The following PRPF39 variants were observed in gnomAD, a reference collection of about 807,000 sequenced individuals.
PRPF39 encodes the protein pre-mRNA processing factor 39.
Under a neutral mutation model 82.1 loss-of-function variants are expected in PRPF39, and 27 were observed. The observed-to-expected ratio is 0.33, with a 90% CI of 0.24 to 0.45. The LOEUF is 0.45. Among genes scored for constraint, PRPF39 ranks in the 20% least tolerant of loss-of-function variants. PRPF39 has a pLI of 1.00. For missense variants in PRPF39, 581 were observed against 796.9 expected (o/e 0.73, Z 3.26); for synonymous variants, 261 against 256.4 (o/e 1.02, Z -0.17).
At chr14:45,097,350 A>G (rs993264644) in intron 4 of PRPF39, among the ~76,000 whole-genome samples, 1 of 152,016 alleles carries the variant, frequency 6.6e-6, no homozygotes, top group Admixed American at 6.6e-5. Context: ...ATATTTTTTA[A>G]CAATTACAAA....
chr14:45,101,043 C>G (rs1884358212), intron 4 of PRPF39, among the ~76,000 whole-genome samples: 1 of 152,148 alleles, frequency 6.6e-6, no homozygotes, highest in Non-Finnish European at 1.5e-5. Flanking sequence ...ACATTGATCT[C>G]TTTTTTGTTT....
intron 1 of PRPF39, among the ~76,000 whole-genome samples, chr14:45,087,569 T>C (rs1883872969): frequency 6.7e-6 from 1 of 149,830 alleles, no homozygotes. Context: ...ACTGTTTTTT[T>C]TTTGTTTTGT....
At chr14:45,102,305 TA>T (rs1294720995) in intron 4 of PRPF39, among the ~76,000 whole-genome samples, 1 of 152,248 alleles carries the variant, frequency 6.6e-6, no homozygotes, top group African/African-American at 2.4e-5. Context: ...TTCTATTTGA[TA>T]AAGTTACATA....
At chr14:45,084,292 T>C (rs1459850656) in intron 1 of PRPF39, 43 bp downstream of exon 1, 1 of 152,544 alleles carries the variant, frequency 6.6e-6, no homozygotes, top group East Asian at 1.9e-4. Flanking sequence ...GGGCAGAGGG[T>C]GGTACTTGGT....
chr14:45,094,018 A>G (rs1884122757), intron 1 of PRPF39, among the ~76,000 whole-genome samples: 1 of 152,120 alleles, frequency 6.6e-6, no homozygotes, highest in Non-Finnish European at 1.5e-5. Flanking sequence ...CTTTATTAGT[A>G]AAGATATAGG....
rs376486747 is a variant in PRPF39, at chr14:45,095,455, A to G, written c.216A>G (p.Glu72=). ...SAVDLPVTLT[E]TEANFPPEYE... ...TGGACCTTCCAGTGACGCTGACAGA[A>G]ACAGAAGCAAATTTCCCTCCAGAAT... The change falls in exon 2 of 14, where the codon GAA becomes GAG. Residue 72 remains glutamate, a synonymous_variant. Transcript: ENST00000355765. The G allele has an allele frequency of 2.5e-6, 4 of 1,614,012 alleles. No homozygotes were observed. Among genetic ancestry groups the G allele is most frequent in the Non-Finnish European group, 3.4e-6 (4 of 1,179,884 alleles).
rs1884409545 is a variant in PRPF39, at chr14:45,102,533, T to C, written c.574T>C (p.Phe192Leu). The change falls in exon 5 of 14, where the codon TTT (phenylalanine) becomes CTT (leucine). Residue 192 changes from phenylalanine to leucine, a missense_variant. By Grantham distance (22) the Phe-to-Leu change is conservative. Transcript: ENST00000355765. ...AAGAGTAATTTAATTTTTCAGAACT[T>C]TTGAGCATGCTGTTCTAGCTGCAGG... ...PETNNTIRGT[F>L]EHAVLAAGTD... is the part of the protein sequence containing the mutation. The C allele has an allele frequency of 6.3e-7, 1 of 1,587,882 alleles. No homozygotes were observed. Among genetic ancestry groups the C allele is most frequent in the Admixed American group, 1.9e-5 (1 of 52,460 alleles).
At chr14:45,113,860 A>G (rs1884763615) in intron 11 of PRPF39, among the ~76,000 whole-genome samples, 1 of 152,186 alleles carries the variant, frequency 6.6e-6, no homozygotes, top group South Asian at 2.1e-4. Flanking sequence ...TGAAAGCTAG[A>G]CTGAATTGAT....
At chr14:45,096,594 A>G in intron 3 of PRPF39, 1 of 1,451,438 alleles carries the variant, frequency 6.9e-7, no homozygotes. Context: ...ATTTTTGGTC[A>G]GACGCTGTCA....
rs1884648129 is a variant in PRPF39 at position 45,109,796 on chromosome 14, G to C, written c.1176+16G>C. 6 of 1,579,068 alleles carry C rather than the reference G, an allele frequency of 3.8e-6. No homozygotes were observed. Among genetic ancestry groups the C allele is most frequent in the Non-Finnish European group, 4.3e-6 (5 of 1,161,982 alleles). On this transcript the variant is annotated intron_variant, in intron 8 of 13. Coordinates refer to ENST00000355765, the MANE Select transcript of PRPF39 (RefSeq NM_017922.4). ...TTGGATTAAGGTAAGAAAATCATGT[G>C]CTCTTAAACTTGAATATATTATAAA...
chr14:45,092,968 T>G (rs1278293575), intron 1 of PRPF39, among the ~76,000 whole-genome samples: 1 of 151,996 alleles, frequency 6.6e-6, no homozygotes, highest in Non-Finnish European at 1.5e-5. Context: ...AACAAAAAAC[T>G]TCTCCCCCCA....
intron 11 of PRPF39, among the ~76,000 whole-genome samples, chr14:45,113,479 CCTA>C (rs1390834381): frequency 6.6e-6 from 1 of 152,128 alleles, no homozygotes; most frequent in Non-Finnish European, 1.5e-5. Context: ...GAGGACTGAA[CCTA>C]CTTCAGAGTT....
intron 1 of PRPF39, among the ~76,000 whole-genome samples, chr14:45,093,256 T>C (rs1884096410): frequency 1.3e-5 from 2 of 151,604 alleles, no homozygotes; most frequent in South Asian, 2.1e-4. Flanking sequence ...GGAATCTCAC[T>C]GTATTGCCCA....
chr14:45,108,546 G>A (rs2139062596), intron 7 of PRPF39, 24 bp downstream of exon 7: 1 of 1,568,934 alleles, frequency 6.4e-7, no homozygotes, highest in East Asian at 2.3e-5. Context: ...TTTTGTAATA[G>A]TCTTTAAAAT....
chr14:45,114,737 C>G (rs1884791057), intron 13 of PRPF39, 120 bp from the exon 14 acceptor site: 2 of 1,397,176 alleles, frequency 1.4e-6, no homozygotes, highest in African/African-American at 1.5e-5. Context: ...TGGTTAAGTA[C>G]TAGAATTTTA....
chr14:45,085,181 C>G (rs932783908), intron 1 of PRPF39, among the ~76,000 whole-genome samples: 3 of 152,232 alleles, frequency 2.0e-5, no homozygotes, highest in East Asian at 1.9e-4. Context: ...AAAGAACAAG[C>G]GTCTACTGTC....
chr14:45,100,485 G>T (rs1301022106), intron 4 of PRPF39, among the ~76,000 whole-genome samples: 1 of 152,116 alleles, frequency 6.6e-6, no homozygotes, highest in East Asian at 1.9e-4. Context: ...CCCATAGCTG[G>T]GCGGGAAAGT....
chr14:45,112,641 A>T, intron 11 of PRPF39, 139 bp downstream of exon 11: 1 of 837,834 alleles, frequency 1.2e-6, no homozygotes, highest in Non-Finnish European at 1.6e-6. Context: ...TCAGATATAT[A>T]TGGGGGTAAA....
intron 8 of PRPF39, 23 bp downstream of exon 8, chr14:45,109,803 A>T: frequency 6.4e-7 from 1 of 1,570,152 alleles, no homozygotes; most frequent in Non-Finnish European, 8.6e-7. Context: ...TGTGCTCTTA[A>T]ACTTGAATAT....
Sources: gnomAD v4.1 joint callset for allele counts (sites outside exome capture counted in the v4.1 genomes callset) on GRCh38, gnomAD v4.1.1 for gene constraint, MANE v1.5 for transcripts, NCBI Gene and HGNC (gene_info 2026-07-23, HGNC 2026-07-21) for gene names.